ZFAND3: variants seen among roughly 807,000 people sequenced by gnomAD.
The protein encoded by ZFAND3 is zinc finger AN1-type containing 3.
Under a neutral mutation model 29.6 loss-of-function variants are expected in ZFAND3, and 10 were observed. That is an observed-to-expected ratio of 0.34 (90% CI 0.21 to 0.57). The LOEUF (loss-of-function observed/expected upper bound fraction) is 0.57, where lower values mean the gene tolerates loss of function less well. ZFAND3 is among the 20% of genes least tolerant of loss of function. The pLI is 0.86. For synonymous variants in ZFAND3, 128 were observed against 112.6 expected (o/e 1.14, Z -0.87); for missense variants, 230 against 304.5 (o/e 0.76, Z 1.82).
intron 2 of ZFAND3, among the ~76,000 whole-genome samples, chr6:37,947,685 T>C (rs1371063847): frequency 6.6e-6 from 1 of 152,222 alleles, no homozygotes; most frequent in African/African-American, 2.4e-5. Flanking sequence ...TCCATATTTA[T>C]GATTAATATA....
intron 5 of ZFAND3, among the ~76,000 whole-genome samples, chr6:38,127,124 T>C (rs925971193): frequency 1.3e-5 from 2 of 152,200 alleles, no homozygotes; most frequent in African/African-American, 4.8e-5. Context: ...ACCTCCAGCA[T>C]AATGTTGAAT....
intron 1 of ZFAND3, among the ~76,000 whole-genome samples, chr6:37,839,566 G>T (rs1764033592): frequency 6.7e-6 from 1 of 149,854 alleles, no homozygotes; most frequent in Non-Finnish European, 1.5e-5. Context: ...CCAGGCTGGA[G>T]TGCAGTGGCG....
At chr6:37,844,577 G>A (rs1292805971) in intron 1 of ZFAND3, among the ~76,000 whole-genome samples, 3 of 151,916 alleles carry the variant, frequency 2.0e-5, no homozygotes, top group Non-Finnish European at 4.4e-5. Flanking sequence ...CACTGCGCCC[G>A]GCCAGTTTTT....
chr6:37,959,155 CTT>C (rs1486930520), intron 2 of ZFAND3, among the ~76,000 whole-genome samples: 1 of 152,220 alleles, frequency 6.6e-6, no homozygotes, highest in Non-Finnish European at 1.5e-5. Context: ...AAATGCAAGA[CTT>C]TGCTTTTGTG....
chr6:38,030,739 A>C (rs929525005), intron 2 of ZFAND3, among the ~76,000 whole-genome samples: 1 of 152,146 alleles, frequency 6.6e-6, no homozygotes, highest in African/African-American at 2.4e-5. Flanking sequence ...AAACCAAGGG[A>C]GTCTATGACC....
chr6:38,136,659 G>A (rs570721657), intron 5 of ZFAND3, among the ~76,000 whole-genome samples: 309 of 152,326 alleles, frequency 2.0e-3, no homozygotes, highest in African/African-American at 7.0e-3. Context: ...GGTCCTGTGG[G>A]TCCAGGAGAC....
intron 2 of ZFAND3, among the ~76,000 whole-genome samples, chr6:37,989,930 T>G (rs989204441): frequency 3.3e-5 from 5 of 152,206 alleles, no homozygotes; most frequent in African/African-American, 1.2e-4. Context: ...ATCTGGGACA[T>G]GGAGCAGTTT....
At position 38,070,426 on chromosome 6, in the gene ZFAND3, AAAAG is replaced by A. The variant is rs1764429915; in HGVS notation, c.295+8653_295+8656del. Among the ~76,000 whole-genome samples the A allele has an allele frequency of 7.9e-5, 12 of 151,106 alleles. No homozygotes were observed. In the South Asian group the frequency reaches 2.5e-3, roughly 32 times the overall value. On this transcript the variant is annotated intron_variant, in intron 3 of 5. Coordinates refer to ENST00000287218, the MANE Select transcript of ZFAND3 (RefSeq NM_021943.3). Reference sequence around the variant, plus strand: ...TGAAACTTAGTCTAAAAAAAAAAAAAAAAGATTTTATTTTTATATAAATGACAGC... The same window carrying A: ...TGAAACTTAGTCTAAAAAAAAAAAAAATTTTATTTTTATATAAATGACAGC...
chr6:38,132,355 T>C (rs887881511), intron 5 of ZFAND3, among the ~76,000 whole-genome samples: 1 of 152,012 alleles, frequency 6.6e-6, no homozygotes, highest in African/African-American at 2.4e-5. Context: ...TACAAAAAAA[T>C]AAAATAAGCC....
chr6:38,115,689 C>T (rs905851180), intron 4 of ZFAND3, among the ~76,000 whole-genome samples: 1 of 152,154 alleles, frequency 6.6e-6, no homozygotes, highest in African/African-American at 2.4e-5. Flanking sequence ...GTAAGAGGTA[C>T]ATCGTGGGTA....
rs71542148 is a variant in ZFAND3 at position 37,914,672 on chromosome 6, C to CTTTTTTTTTT, written c.72-15286_72-15277dup. On this transcript the variant is annotated intron_variant, in intron 1 of 5. Coordinates refer to ENST00000287218, the MANE Select transcript of ZFAND3 (RefSeq NM_021943.3). Reference sequence around the variant, plus strand: ...TTTCTTTCTTTCTTTCTTTTTTTTTCTTTTTTTTTTAGTGGAGACGGGGTT... The same window carrying CTTTTTTTTTT: ...TTTCTTTCTTTCTTTCTTTTTTTTTCTTTTTTTTTTTTTTTTTTTTAGTGGAGACGGGGTT... 1.3e-3 allele frequency among the ~76,000 whole-genome samples: 149 copies of CTTTTTTTTTT among 114,222 alleles called. 5 individuals carry two copies. The highest frequency in any genetic ancestry group is 4.6e-3 in the African/African-American group (130 of 28,018). 74.9% of individuals were successfully genotyped at this position (114,222 alleles called of 152,430 possible). A position where few individuals can be genotyped will look rare whatever the true frequency, so the allele number is the denominator to read the frequency against.
intron 2 of ZFAND3, among the ~76,000 whole-genome samples, chr6:37,962,699 TCAG>T (rs1477656621): frequency 6.6e-6 from 1 of 152,056 alleles, no homozygotes; most frequent in African/African-American, 2.4e-5. Flanking sequence ...AATGGACCAA[TCAG>T]CAGGATGTGG....
intron 1 of ZFAND3, among the ~76,000 whole-genome samples, chr6:37,868,470 A>G (rs1051442978): frequency 2.6e-5 from 4 of 152,154 alleles, no homozygotes; most frequent in African/African-American, 9.7e-5. Flanking sequence ...TAGTGGGAAT[A>G]TGGGGTACAT....
At chr6:38,134,528 C>T (rs1315769846) in intron 5 of ZFAND3, among the ~76,000 whole-genome samples, 1 of 152,144 alleles carries the variant, frequency 6.6e-6, no homozygotes, top group Non-Finnish European at 1.5e-5. Flanking sequence ...CACAGGTGAC[C>T]AATAAATACT....
At chr6:37,843,330 C>CA (rs1228749503) in intron 1 of ZFAND3, among the ~76,000 whole-genome samples, 2 of 151,230 alleles carry the variant, frequency 1.3e-5, no homozygotes, top group Non-Finnish European at 2.9e-5. Flanking sequence ...CTAAAAAATA[C>CA]AAAAAAATTA....
chr6:37,838,293 AT>A (rs1764006379), intron 1 of ZFAND3, among the ~76,000 whole-genome samples: 1 of 152,082 alleles, frequency 6.6e-6, no homozygotes, highest in Non-Finnish European at 1.5e-5. Context: ...TTTTTGCTTA[AT>A]TTAAAAAATA....
At chr6:38,097,508 T>A (rs1436958001) in intron 4 of ZFAND3, among the ~76,000 whole-genome samples, 1 of 151,762 alleles carries the variant, frequency 6.6e-6, no homozygotes, top group Admixed American at 6.5e-5. Flanking sequence ...GAGAACCTGC[T>A]GTTAGGCTTT....
chr6:37,828,373 A>G (rs1763796513), intron 1 of ZFAND3, among the ~76,000 whole-genome samples: 1 of 152,070 alleles, frequency 6.6e-6, no homozygotes, highest in Non-Finnish European at 1.5e-5. Flanking sequence ...GCTTTTATCT[A>G]TTTCAGATCA....
chr6:37,870,677 A>T (rs893959651), intron 1 of ZFAND3, among the ~76,000 whole-genome samples: 1 of 151,842 alleles, frequency 6.6e-6, no homozygotes, highest in Non-Finnish European at 1.5e-5. Context: ...TAACTAAGAA[A>T]TTAGTAATTC....
Sources: allele counts gnomAD v4.1 joint callset (sites outside exome capture counted in the v4.1 genomes callset), GRCh38; gene constraint gnomAD v4.1.1; transcripts MANE v1.5; gene names NCBI Gene and HGNC (gene_info 2026-07-23, HGNC 2026-07-21).